The following DYM variants were observed in gnomAD, a reference collection of about 807,000 sequenced individuals.
The protein encoded by DYM is dymeclin, also known as dyggve-Melchior-Clausen syndrome protein.
A neutral mutation model predicts 93.1 loss-of-function variants in DYM; 78 were observed. That is an observed-to-expected ratio of 0.84 (90% confidence interval 0.70 to 1.01). The LOEUF is 1.01. Ranked by LOEUF, DYM falls within the 50% of genes least tolerant of loss-of-function variation. DYM has a pLI of 0.00. For synonymous variants in DYM, 321 were observed against 319.7 expected (o/e 1.00, Z -0.04); for missense variants, 789 against 845.0 (o/e 0.93, Z 0.82).
At chr18:49,443,929 G>A (rs1046346408) in intron 1 of DYM, among the ~76,000 whole-genome samples, 5 of 152,108 alleles carry the variant, frequency 3.3e-5, no homozygotes, top group Admixed American at 6.6e-5. Context: ...ACAGTGGCTC[G>A]AAGTACAGTA....
chr18:49,339,464 T>G (rs1359615757), intron 6 of DYM, among the ~76,000 whole-genome samples: 1 of 152,162 alleles, frequency 6.6e-6, no homozygotes, highest in African/African-American at 2.4e-5. Flanking sequence ...CTCTTGCTCT[T>G]CCATTTGCCG....
At chr18:49,073,584 A>G (rs2077065763) in intron 17 of DYM, among the ~76,000 whole-genome samples, 1 of 152,246 alleles carries the variant, frequency 6.6e-6, no homozygotes, top group African/African-American at 2.4e-5. Flanking sequence ...TGAGCTTTCA[A>G]GAGGCTGGCA....
At chr18:49,244,281 G>A (rs1452207905) in intron 13 of DYM, among the ~76,000 whole-genome samples, 1 of 152,202 alleles carries the variant, frequency 6.6e-6, no homozygotes, top group East Asian at 1.9e-4. Context: ...GGGAAAAGCT[G>A]CTTAGACCAT....
chr18:49,380,086 T>G (rs1016157623), intron 3 of DYM, among the ~76,000 whole-genome samples: 4 of 152,096 alleles, frequency 2.6e-5, no homozygotes, highest in African/African-American at 9.7e-5. Flanking sequence ...AAAGGAGATT[T>G]TTAAAAACTC....
chr18:49,199,577 G>A (rs2091833595), intron 14 of DYM, among the ~76,000 whole-genome samples: 1 of 152,160 alleles, frequency 6.6e-6, no homozygotes, highest in African/African-American at 2.4e-5. Flanking sequence ...TGGTTTAAGT[G>A]GGATAATACA....
intron 17 of DYM, among the ~76,000 whole-genome samples, chr18:49,055,664 T>G (rs368521471): frequency 7.2e-5 from 11 of 152,262 alleles, no homozygotes; most frequent in African/African-American, 2.4e-4. Flanking sequence ...TCCTGCCCAT[T>G]AGTAGCCCCA....
intron 8 of DYM, among the ~76,000 whole-genome samples, chr18:49,307,658 G>C (rs763593617): frequency 1.9e-4 from 29 of 152,110 alleles, no homozygotes; most frequent in Non-Finnish European, 3.8e-4. Context: ...TGGCAGAAAA[G>C]ATAGTTTACC....
At chr18:49,277,166 G>A (rs2094865351) in intron 10 of DYM, among the ~76,000 whole-genome samples, 1 of 152,116 alleles carries the variant, frequency 6.6e-6, no homozygotes, top group South Asian at 2.1e-4. Context: ...AATGTCTGGG[G>A]CAGCTGGATA....
intron 14 of DYM, among the ~76,000 whole-genome samples, chr18:49,178,129 C>T (rs1490669475): frequency 6.6e-6 from 1 of 152,088 alleles, no homozygotes; most frequent in Non-Finnish European, 1.5e-5. Flanking sequence ...GGATTTAACT[C>T]CTTAGGCCTT....
Position 49,458,088 on chromosome 18 carries a change from T to C in DYM, c.-54+2310A>G, listed in dbSNP as rs147734696. Among the ~76,000 whole-genome samples, 27 of 152,332 alleles carry C rather than the reference T, an allele frequency of 1.8e-4. 1 individual carries two copies. In the South Asian group the frequency reaches 3.3e-3, roughly 19 times the overall value. ...AATGCATTGTTTTAAGCCACTAAAT[T>C]TGTGGTAACATGTTACAGCAATCAT... is the stretch of plus-strand genomic sequence containing the variant. On this transcript the variant is annotated intron_variant, in intron 1 of 17. Coordinates refer to ENST00000675505, the MANE Select transcript of DYM (RefSeq NM_001353214.3).
At chr18:49,331,813 T>C (rs765064407) in intron 8 of DYM, 51 bp downstream of exon 8, 4 of 1,606,464 alleles carry the variant, frequency 2.5e-6, no homozygotes, top group African/African-American at 2.7e-5. Flanking sequence ...TATGCCTAAA[T>C]AGATAAAATT....
chr18:49,108,371 C>T (rs1040260291), intron 16 of DYM, among the ~76,000 whole-genome samples: 4 of 152,248 alleles, frequency 2.6e-5, no homozygotes, highest in East Asian at 1.9e-4. Flanking sequence ...GGCAATGCCT[C>T]GCCCTGCTTC....
intron 5 of DYM, among the ~76,000 whole-genome samples, chr18:49,377,025 G>A (rs73959362): frequency 1.5e-3 from 230 of 152,300 alleles, no homozygotes; most frequent in African/African-American, 4.9e-3. Flanking sequence ...GTCTCAGAGG[G>A]AGAAGAGATA....
intron 14 of DYM, among the ~76,000 whole-genome samples, chr18:49,191,661 C>A (rs927293979): frequency 6.6e-6 from 1 of 152,054 alleles, no homozygotes; most frequent in Non-Finnish European, 1.5e-5. Context: ...AAATTTTAGC[C>A]AGTTTTATAA....
intron 16 of DYM, among the ~76,000 whole-genome samples, chr18:49,118,046 G>A (rs903822221): frequency 4.4e-5 from 5 of 113,296 alleles, no homozygotes; most frequent in Admixed American, 2.8e-4. Context: ...TTTTACTCTC[G>A]TTGCTCAGGC....
At chr18:49,072,856 A>G (rs916690242) in intron 17 of DYM, among the ~76,000 whole-genome samples, 2 of 152,236 alleles carry the variant, frequency 1.3e-5, no homozygotes, top group Non-Finnish European at 2.9e-5. Context: ...TATCCCTTTA[A>G]GAAAGGACAT....
At chr18:49,422,300 G>A (rs9948859) in intron 2 of DYM, among the ~76,000 whole-genome samples, 15,753 of 152,142 alleles carry the variant, frequency 0.1, 1,061 homozygotes, top group East Asian at 0.31. Context: ...GACTAACAGC[G>A]GATCTCTCGG....
At chr18:49,126,999 G>T (rs2082892641) in intron 15 of DYM, among the ~76,000 whole-genome samples, 1 of 152,154 alleles carries the variant, frequency 6.6e-6, no homozygotes, top group Non-Finnish European at 1.5e-5. Flanking sequence ...ACACGCTTTT[G>T]AAAACTAACC....
intron 15 of DYM, among the ~76,000 whole-genome samples, chr18:49,148,466 C>G (rs1349794576): frequency 6.6e-6 from 1 of 151,920 alleles, no homozygotes; most frequent in Non-Finnish European, 1.5e-5. Context: ...CTATATTGCT[C>G]AGGCTGGTCT....
Sources: allele counts gnomAD v4.1 joint callset (sites outside exome capture counted in the v4.1 genomes callset), GRCh38; gene constraint gnomAD v4.1.1; transcripts MANE v1.5; gene names NCBI Gene and HGNC (gene_info 2026-07-23, HGNC 2026-07-21).